ASTN2: variants seen among roughly 807,000 people sequenced by gnomAD.
ASTN2 encodes astrotactin-2.
A neutral mutation model predicts 139.8 loss-of-function variants in ASTN2; 54 were observed. The ratio of observed to expected loss-of-function variants is 0.39; its 90% CI spans 0.31 to 0.48. The LOEUF (loss-of-function observed/expected upper bound fraction) is 0.48, where lower values mean the gene tolerates loss of function less well. ASTN2 is among the 20% of genes least tolerant of loss of function. The probability of loss-of-function intolerance (pLI) is 0.95; values close to 1 mark genes in which losing one functional copy is unlikely to be tolerated. For synonymous variants in ASTN2, 756 were observed against 719.5 expected (o/e 1.05, Z -0.81); for missense variants, 1,565 against 1,725.1 (o/e 0.91, Z 1.64).
intron 19 of ASTN2, among the ~76,000 whole-genome samples, chr9:116,604,280 C>T (rs1218436755): frequency 2.6e-5 from 4 of 152,082 alleles, no homozygotes; most frequent in Non-Finnish European, 5.9e-5. Flanking sequence ...GGGGAATGAA[C>T]AGGATAAAGA....
intron 10 of ASTN2, among the ~76,000 whole-genome samples, chr9:116,905,876 T>TG (rs1834143993): frequency 9.1e-5 from 3 of 33,042 alleles, no homozygotes; most frequent in African/African-American, 1.3e-4. Context: ...TGGGGGGGGG[T>TG]GCGGGGGGTG....
chr9:117,211,089 C>T (rs1051814462), intron 3 of ASTN2, among the ~76,000 whole-genome samples: 2 of 151,382 alleles, frequency 1.3e-5, no homozygotes, highest in Non-Finnish European at 2.9e-5. Flanking sequence ...CCATATATGA[C>T]AAATCCACAG....
chr9:116,733,594 C>A, intron 13 of ASTN2, 71 bp from the exon 14 acceptor site: 1 of 1,592,172 alleles, frequency 6.3e-7, no homozygotes, highest in East Asian at 2.2e-5. Context: ...GGCAAGGAGG[C>A]AGGATGCTGT....
In ASTN2 at chr9:116,995,937, C is replaced by A. The variant is rs889329493; in HGVS notation, c.1591+12155G>T. Among the ~76,000 whole-genome samples, 5 of 152,242 alleles carry A rather than the reference C, an allele frequency of 3.3e-5. No homozygotes were observed. In the South Asian group the frequency reaches 8.3e-4, roughly 25 times the overall value. Reference sequence around the variant, plus strand: ...CTCACTGACACTTTGAACTCCTAGGCTCAAGCACTCTGCTCACCTCAGCCT... The same window carrying A: ...CTCACTGACACTTTGAACTCCTAGGATCAAGCACTCTGCTCACCTCAGCCT... On this transcript the variant is annotated intron_variant, in intron 7 of 22. Coordinates refer to ENST00000313400, the MANE Select transcript of ASTN2 (RefSeq NM_001365068.1).
chr9:116,989,742 C>T lies in ASTN2; in HGVS notation c.1592-12957G>A, dbSNP rs1227534058. ...GGGATTACAGGCACCCGCCACCAGG[C>T]CCAGCTAATTTTTGTAATTTTAGTA... is the stretch of plus-strand genomic sequence containing the variant. On this transcript the variant is annotated intron_variant, in intron 7 of 22. Transcript: ENST00000313400. 4.6e-5 allele frequency among the ~76,000 whole-genome samples: 7 copies of T among 152,054 alleles called. No individual in the cohort carries two copies. The East Asian group carries it at 7.7e-4, about 17-fold the overall frequency.
At chr9:116,985,131 G>A (rs1588459910) in intron 7 of ASTN2, among the ~76,000 whole-genome samples, 1 of 152,172 alleles carries the variant, frequency 6.6e-6, no homozygotes, top group Non-Finnish European at 1.5e-5. Context: ...GTACAGTGAG[G>A]AGGCTGGTCT....
At chr9:116,863,040 C>T (rs1380040915) in intron 11 of ASTN2, among the ~76,000 whole-genome samples, 2 of 152,026 alleles carry the variant, frequency 1.3e-5, no homozygotes, top group Non-Finnish European at 2.9e-5. Context: ...GCAAACAAGG[C>T]TGCCTCTCCC....
intron 5 of ASTN2, among the ~76,000 whole-genome samples, chr9:117,046,607 T>C (rs1177733613): frequency 6.6e-6 from 1 of 152,206 alleles, no homozygotes; most frequent in African/African-American, 2.4e-5. Context: ...GGATATGTGA[T>C]ACTGTTGCTC....
rs904444090 is a variant in ASTN2 at position 116,698,714 on chromosome 9, G to A, written c.2806+27057C>T. 6.2e-7 allele frequency: 1 copy of A among 1,614,206 alleles called. No individual in the cohort carries two copies. The highest frequency in any genetic ancestry group is 1.7e-5 in the Admixed American group (1 of 60,028). ...CCTCTACCTCTGTTACTTTTAGAGA[G>A]ATGGACATGAGCCCGGAGGAAGTGG... On this transcript the variant is annotated intron_variant, in intron 16 of 22. Transcript: ENST00000313400. The surrounding 1 kb of genome is among the most constrained non-coding windows in gnomAD (Gnocchi z 4.4).
intron 19 of ASTN2, among the ~76,000 whole-genome samples, chr9:116,549,653 G>C (rs934948619): frequency 1.3e-5 from 2 of 152,172 alleles, no homozygotes; most frequent in Non-Finnish European, 2.9e-5. Flanking sequence ...TTAGGTGTAG[G>C]AAACAAATGG....
intron 17 of ASTN2, among the ~76,000 whole-genome samples, chr9:116,621,602 A>AT (rs11421083): frequency 0.022 from 3,334 of 152,206 alleles, 128 homozygotes; most frequent in African/African-American, 0.076. Context: ...TCTGGACACC[A>AT]TAACACATAG....
chr9:116,955,952 C>T (rs1835693724), intron 10 of ASTN2, among the ~76,000 whole-genome samples: 1 of 152,172 alleles, frequency 6.6e-6, no homozygotes, highest in Non-Finnish European at 1.5e-5. Context: ...TGGGGAAGGA[C>T]AGGAGTCTCT....
intron 2 of ASTN2, among the ~76,000 whole-genome samples, chr9:117,244,257 G>A (rs1327911199): frequency 1.3e-5 from 2 of 152,052 alleles, no homozygotes; most frequent in Non-Finnish European, 2.9e-5. Context: ...TGTTATAGCA[G>A]TGTGAGAACA....
intron 19 of ASTN2, among the ~76,000 whole-genome samples, chr9:116,529,100 C>T (rs893999623): frequency 2.0e-5 from 3 of 152,160 alleles, no homozygotes; most frequent in African/African-American, 7.2e-5. Flanking sequence ...CTCCAGACCC[C>T]AGAATAGTAA....
intron 3 of ASTN2, among the ~76,000 whole-genome samples, chr9:117,193,808 G>T (rs1242764932): frequency 6.6e-6 from 1 of 152,124 alleles, no homozygotes; most frequent in Non-Finnish European, 1.5e-5. Flanking sequence ...CCCTGCACGT[G>T]CTCCTGGCAG....
chr9:117,036,041 C>CACTCTACTAGGCACTTTAT (rs1428635140), intron 6 of ASTN2, among the ~76,000 whole-genome samples: 1 of 152,136 alleles, frequency 6.6e-6, no homozygotes, highest in Non-Finnish European at 1.5e-5. Context: ...ATGTTTTAGA[C>CACTCTACTAGGCACTTTAT]ACTCTACTAG....
chr9:117,194,968 ATT>A (rs1266829371), intron 3 of ASTN2, among the ~76,000 whole-genome samples: 12 of 152,280 alleles, frequency 7.9e-5, no homozygotes, highest in Admixed American at 6.5e-4. Context: ...TCATTCATTC[ATT>A]CATTCATTCA....
chr9:116,989,938 C>A (rs1836801881), intron 7 of ASTN2, among the ~76,000 whole-genome samples: 1 of 152,236 alleles, frequency 6.6e-6, no homozygotes, highest in African/African-American at 2.4e-5. Flanking sequence ...TTTGTCACAG[C>A]CTCGGTTTCT....
chr9:117,057,046 A>G (rs1839084122), intron 5 of ASTN2, among the ~76,000 whole-genome samples: 1 of 152,218 alleles, frequency 6.6e-6, no homozygotes, highest in Admixed American at 6.5e-5. Flanking sequence ...AGGCTTGATA[A>G]TTATCAGCTC....
Sources: gnomAD v4.1 joint callset for allele counts (sites outside exome capture counted in the v4.1 genomes callset) on GRCh38, gnomAD v4.1.1 for gene constraint, Gnocchi (gnomAD v3.1) non-coding constraint, MANE v1.5 for transcripts, NCBI Gene and HGNC (gene_info 2026-07-23, HGNC 2026-07-21) for gene names.